Variants in MB21D2 observed in about 807,000 individuals in gnomAD.
The protein encoded by MB21D2 is nucleotidyltransferase MB21D2.
In MB21D2, 9 loss-of-function variants were observed where a neutral mutation model predicts 33.3. The observed-to-expected ratio is 0.27, with a 90% CI of 0.16 to 0.47. The LOEUF (loss-of-function observed/expected upper bound fraction) is 0.47, where lower values mean the gene tolerates loss of function less well. Among genes scored for constraint, MB21D2 ranks in the 20% least tolerant of loss-of-function variants. MB21D2 has a pLI of 0.99. For missense variants in MB21D2, 540 were observed against 624.6 expected (o/e 0.86, Z 1.44); for synonymous variants, 241 against 236.3 (o/e 1.02, Z -0.18).
At chr3:192,910,191 C>T (rs1201796227) in intron 1 of MB21D2, among the ~76,000 whole-genome samples, 3 of 146,982 alleles carry the variant, frequency 2.0e-5, no homozygotes, top group Non-Finnish European at 4.4e-5. Context: ...AGAGGTGGGG[C>T]GTGGTAGCTC....
intron 1 of MB21D2, among the ~76,000 whole-genome samples, chr3:192,878,877 T>C (rs1384064221): frequency 1.3e-5 from 2 of 152,162 alleles, no homozygotes; most frequent in Admixed American, 6.5e-5. Context: ...GGCAGGAGAA[T>C]TGCTTGAACC....
At chr3:192,854,199 T>C (rs1274171485) in intron 1 of MB21D2, among the ~76,000 whole-genome samples, 1 of 152,244 alleles carries the variant, frequency 6.6e-6, no homozygotes, top group Non-Finnish European at 1.5e-5. Context: ...TGCCTAACAG[T>C]TCGCCTAGCT....
In MB21D2 at chr3:192,814,727, T is replaced by A. The variant is rs6766995; in HGVS notation, c.212-15077A>T. On this transcript the variant is annotated intron_variant, in intron 1 of 1. Transcript: ENST00000392452. ...AAAAATACAAAAAATTACCCAGGCG[T>A]GGTGGTGGACGCCTTTAGTCCCAGC... Among the ~76,000 whole-genome samples, 127 of 151,936 alleles carry A rather than the reference T, an allele frequency of 8.4e-4. 4 individuals are homozygous for A. In the East Asian group the frequency reaches 0.017, roughly 20 times the overall value.
intron 1 of MB21D2, among the ~76,000 whole-genome samples, chr3:192,870,379 C>G (rs946876627): frequency 6.6e-6 from 1 of 152,152 alleles, no homozygotes; most frequent in Admixed American, 6.5e-5. Flanking sequence ...TTCTGTCATG[C>G]TTACCCTTGT....
At chr3:192,814,968 C>T (rs1181509438) in intron 1 of MB21D2, among the ~76,000 whole-genome samples, 1 of 152,042 alleles carries the variant, frequency 6.6e-6, no homozygotes, top group Non-Finnish European at 1.5e-5. Context: ...TACTTTCCCC[C>T]AACCATCTAA....
chr3:192,854,742 C>T (rs1712880586), intron 1 of MB21D2, among the ~76,000 whole-genome samples: 1 of 152,204 alleles, frequency 6.6e-6, no homozygotes, highest in East Asian at 1.9e-4. Flanking sequence ...AAGCCAATGT[C>T]CATCTACCAT....
intron 1 of MB21D2, among the ~76,000 whole-genome samples, chr3:192,882,096 C>T (rs1163876252): frequency 6.6e-6 from 1 of 152,092 alleles, no homozygotes; most frequent in Non-Finnish European, 1.5e-5. Context: ...TGTCTAATGC[C>T]TAACCTAAGA....
At chr3:192,889,336 G>A (rs974616435) in intron 1 of MB21D2, among the ~76,000 whole-genome samples, 1 of 152,062 alleles carries the variant, frequency 6.6e-6, no homozygotes, top group Non-Finnish European at 1.5e-5. Flanking sequence ...GAACAGACTG[G>A]TGAGTAGCTT....
chr3:192,917,542 A>T, intron 1 of MB21D2, 88 bp downstream of exon 1: 1 of 1,410,374 alleles, frequency 7.1e-7, no homozygotes, highest in East Asian at 2.3e-5. Flanking sequence ...CCCAGAAGGG[A>T]AGAGGTCGAG....
rs191412279 is a variant in MB21D2, at chr3:192,894,958, G to C, written c.211+22672C>G. On this transcript the variant is annotated intron_variant, in intron 1 of 1. Transcript: ENST00000392452. ...GTCTGACATCTCAGAGCACATTCCC[G>C]AGCTCGTCTCATCTAAGAGGGTTCT... Among the ~76,000 whole-genome samples the C allele has an allele frequency of 5.7e-4, 86 of 152,192 alleles. 1 individual carries two copies. The East Asian group carries it at 0.015, about 26-fold the overall frequency.
At chr3:192,857,314 C>T (rs1039711745) in intron 1 of MB21D2, among the ~76,000 whole-genome samples, 1 of 152,202 alleles carries the variant, frequency 6.6e-6, no homozygotes, top group Non-Finnish European at 1.5e-5. Context: ...GCATTTTTAT[C>T]TGGCTCCCAA....
At chr3:192,897,675 T>C (rs1164127972) in intron 1 of MB21D2, among the ~76,000 whole-genome samples, 1 of 151,980 alleles carries the variant, frequency 6.6e-6, no homozygotes, top group Non-Finnish European at 1.5e-5. Flanking sequence ...AGGCAACCAG[T>C]TCCAAATCTG....
chr3:192,916,098 T>TATATATATATA (rs1714458733), intron 1 of MB21D2, among the ~76,000 whole-genome samples: 8 of 139,176 alleles, frequency 5.7e-5, no homozygotes, highest in Admixed American at 5.0e-4. Context: ...CTACCAGGTT[T>TATATATATATA]TATATATATA....
chr3:192,840,398 ACT>A (rs1491354396), intron 1 of MB21D2, among the ~76,000 whole-genome samples: 2 of 143,046 alleles, frequency 1.4e-5, no homozygotes, highest in East Asian at 4.0e-4. Context: ...TATGACAAAG[ACT>A]TTTTTCTCTT....
At chr3:192,850,926 G>A (rs896021298) in intron 1 of MB21D2, among the ~76,000 whole-genome samples, 6 of 152,118 alleles carry the variant, frequency 3.9e-5, no homozygotes, top group African/African-American at 1.4e-4. Flanking sequence ...AGTGTGTGGC[G>A]GGAAGAGTAA....
At chr3:192,870,699 G>GAAAAAAAA (rs57320648) in intron 1 of MB21D2, among the ~76,000 whole-genome samples, 634 of 41,630 alleles carry the variant, frequency 0.015, 91 homozygotes, top group African/African-American at 0.056. Context: ...CGACTCCGTT[G>GAAAAAAAA]AAAAAAAAAA....
chr3:192,883,691 G>A (rs1211282154), intron 1 of MB21D2, among the ~76,000 whole-genome samples: 3 of 152,014 alleles, frequency 2.0e-5, no homozygotes, highest in Admixed American at 2.0e-4. Flanking sequence ...TAGACCAAAA[G>A]ATCAGCATTC....
intron 1 of MB21D2, among the ~76,000 whole-genome samples, chr3:192,900,163 A>G (rs959818875): frequency 1.1e-4 from 16 of 151,834 alleles, no homozygotes; most frequent in Non-Finnish European, 2.1e-4. Flanking sequence ...GGGCGCCTGT[A>G]GTCCCAGCTA....
At chr3:192,875,920 T>C (rs1489584619) in intron 1 of MB21D2, among the ~76,000 whole-genome samples, 5 of 152,136 alleles carry the variant, frequency 3.3e-5, no homozygotes, top group African/African-American at 1.2e-4. Flanking sequence ...AAACCAACAA[T>C]AGAAGTGGAA....
Sources: gnomAD v4.1 joint callset for allele counts (sites outside exome capture counted in the v4.1 genomes callset) on GRCh38, gnomAD v4.1.1 for gene constraint, MANE v1.5 for transcripts, NCBI Gene and HGNC (gene_info 2026-07-23, HGNC 2026-07-21) for gene names.